CIB1: variants seen among roughly 807,000 people sequenced by gnomAD.
CIB1 encodes calcium and integrin-binding protein 1.
In CIB1, 19 loss-of-function variants were observed where a neutral mutation model predicts 25.0. The observed-to-expected ratio is 0.76, with a 90% CI of 0.53 to 1.12. The LOEUF (loss-of-function observed/expected upper bound fraction) is 1.12, where lower values mean the gene tolerates loss of function less well. Among genes scored for constraint, CIB1 ranks in the 50% most tolerant of loss-of-function variants. The pLI is 0.00. For missense variants in CIB1, 236 were observed against 242.6 expected (o/e 0.97, Z 0.18); for synonymous variants, 104 against 98.5 (o/e 1.06, Z -0.33).
At chr15:90,239,787 T>C in the CIB1 span, among the ~76,000 whole-genome samples, 1 of 152,198 alleles carries the variant, frequency 6.6e-6, no homozygotes, top group Non-Finnish European at 1.5e-5. Context: ...CGGCAGTGCC[T>C]GGTGGCACAT....
At chr15:90,248,548 C>T in the CIB1 span, among the ~76,000 whole-genome samples, 2 of 151,572 alleles carry the variant, frequency 1.3e-5, no homozygotes, top group East Asian at 3.9e-4. Flanking sequence ...AACCCCATCT[C>T]TACAAAAAAT....
upstream of CIB1, chr15:90,233,958 C>A: frequency 7.1e-7 from 1 of 1,414,764 alleles, no homozygotes; most frequent in Non-Finnish European, 9.2e-7. Flanking sequence ...GCCCTTGGGC[C>A]GCGTCACTGC....
chr15:90,255,790 C>T, the CIB1 span: 1 of 1,614,174 alleles, frequency 6.2e-7, no homozygotes, highest in Non-Finnish European at 8.5e-7. Flanking sequence ...CAGAAATCTG[C>T]CGCAAAGATC....
the CIB1 span, among the ~76,000 whole-genome samples, chr15:90,261,389 T>C: frequency 6.6e-6 from 1 of 151,892 alleles, no homozygotes; most frequent in Non-Finnish European, 1.5e-5. Context: ...ACTTTTTTTT[T>C]TTTTTTCAAA....
At chr15:90,265,209 G>A in the CIB1 span, 23 of 1,354,356 alleles carry the variant, frequency 1.7e-5, no homozygotes, top group East Asian at 6.5e-4. Flanking sequence ...ACTCATTTCT[G>A]CTCATCAAGC....
At chr15:90,233,630 G>A in intron 2 of CIB1, 39 bp downstream of exon 2, 1 of 1,560,404 alleles carries the variant, frequency 6.4e-7, no homozygotes, top group Admixed American at 1.9e-5. Flanking sequence ...GTCTCTAGAG[G>A]ATCCCGGGGT....
chr15:90,230,533 C>T, intron 6 of CIB1, 28 bp from the exon 7 acceptor site: 5 of 1,551,592 alleles, frequency 3.2e-6, no homozygotes, highest in Non-Finnish European at 4.4e-6. Flanking sequence ...GGTGGGTTTT[C>T]TGCTGGAAGA....
chr15:90,260,036 G>A, the CIB1 span, among the ~76,000 whole-genome samples: 24 of 152,214 alleles, frequency 1.6e-4, no homozygotes, highest in African/African-American at 5.5e-4. Flanking sequence ...ATGTCTGCGT[G>A]ATGAATGGGA....
At chr15:90,241,351 T>C in the CIB1 span, 3 of 1,614,228 alleles carry the variant, frequency 1.9e-6, no homozygotes, top group East Asian at 2.2e-5. Flanking sequence ...CCTGGGACTC[T>C]GCTGCAAGAA....
the CIB1 span, chr15:90,265,615 ACT>A: frequency 6.7e-7 from 1 of 1,488,860 alleles, no homozygotes; most frequent in South Asian, 1.2e-5. Context: ...ATAACTTGCT[ACT>A]ACCCAGCCTC....
the CIB1 span, chr15:90,251,028 C>A: frequency 1.7e-6 from 2 of 1,149,806 alleles, no homozygotes; most frequent in Non-Finnish European, 2.4e-6. Flanking sequence ...GTGTCATTAA[C>A]CCTTTGATAC....
the CIB1 span, among the ~76,000 whole-genome samples, chr15:90,246,786 TCAAAAAAAAAAAAAAAAAA>T: frequency 4.3e-5 from 1 of 23,100 alleles, no homozygotes; most frequent in East Asian, 1.1e-3. Flanking sequence ...AGACTCTGTC[TCAAAAAAAAAAAAAAAAAA>T]AAAAAAAAAA....
chr15:90,251,986 T>G, the CIB1 span, among the ~76,000 whole-genome samples: 10 of 151,228 alleles, frequency 6.6e-5, no homozygotes, highest in Non-Finnish European at 1.3e-4. Flanking sequence ...GCCGTCTTCC[T>G]ATCTGAGCTT....
At chr15:90,257,158 C>T in the CIB1 span, 1 of 1,613,582 alleles carries the variant, frequency 6.2e-7, no homozygotes, top group Non-Finnish European at 8.5e-7. Context: ...TTGATGGCTT[C>T]AAGTTTGATA....
At chr15:90,262,419 AT>A in the CIB1 span, 1 of 1,394,646 alleles carries the variant, frequency 7.2e-7, no homozygotes, top group Non-Finnish European at 9.4e-7. Context: ...CTCTTTCCTC[AT>A]CCCCATTTTT....
the CIB1 span, chr15:90,244,704 A>T: frequency 0.32 from 49,123 of 151,906 alleles, 8,796 homozygotes; most frequent in East Asian, 0.69. Context: ...CTGTAATCCC[A>T]TCTACTTGGG....
chr15:90,247,276 T>G, the CIB1 span, among the ~76,000 whole-genome samples: 1 of 149,762 alleles, frequency 6.7e-6, no homozygotes, highest in Non-Finnish European at 1.5e-5. Context: ...ACTGGCCTTT[T>G]TTTTCTTTTC....
At chr15:90,235,156 C>G (rs1481063943), upstream of CIB1, among the ~76,000 whole-genome samples, 2 of 152,150 alleles carry the variant, frequency 1.3e-5, no homozygotes, top group Non-Finnish European at 1.5e-5. Context: ...GGAAGCCTTT[C>G]CTGACTCCCT....
chr15:90,265,192 G>A, the CIB1 span: 3 of 1,344,740 alleles, frequency 2.2e-6, no homozygotes, highest in Non-Finnish European at 2.9e-6. Context: ...GCCAAGGCCA[G>A]CCATGTACTC....
Sources: gnomAD v4.1 joint callset for allele counts (sites outside exome capture counted in the v4.1 genomes callset) on GRCh38, gnomAD v4.1.1 for gene constraint, MANE v1.5 for transcripts, NCBI Gene and HGNC (gene_info 2026-07-23, HGNC 2026-07-21) for gene names.